DYM: variants seen among roughly 807,000 people sequenced by gnomAD.
DYM encodes dymeclin.
DYM carries 78 observed loss-of-function variants against 93.1 expected under a neutral mutation model. That is an observed-to-expected ratio of 0.84 (90% CI 0.70 to 1.01). The LOEUF is 1.01. DYM is among the 50% of genes least tolerant of loss of function. DYM has a pLI of 0.00. For missense variants in DYM, 789 were observed against 845.0 expected, an observed-to-expected ratio of 0.93 and a Z score of 0.82; for synonymous variants, 321 against 319.7, an observed-to-expected ratio of 1.00 and a Z score of -0.04.
At chr18:49,045,860 G>A (rs566540434) in intron 17 of DYM, among the ~76,000 whole-genome samples, 1 of 152,190 alleles carries the variant, frequency 6.6e-6, no homozygotes, top group South Asian at 2.1e-4. Context: ...TGCACATAAG[G>A]TCCCGGAAGC....
At chr18:49,403,301 T>C (rs1038913319) in intron 2 of DYM, among the ~76,000 whole-genome samples, 1 of 152,232 alleles carries the variant, frequency 6.6e-6, no homozygotes, top group Non-Finnish European at 1.5e-5. Context: ...TTTGATTTTA[T>C]TTACATTAAT....
chr18:49,150,799 TAGAAG>T (rs1319132079), intron 15 of DYM, among the ~76,000 whole-genome samples: 2 of 152,124 alleles, frequency 1.3e-5, no homozygotes, highest in Admixed American at 6.5e-5. Flanking sequence ...TTTAAGATCA[TAGAAG>T]AGATTAGGGG....
At chr18:49,201,620 G>A (rs936989232) in intron 14 of DYM, among the ~76,000 whole-genome samples, 18 of 152,164 alleles carry the variant, frequency 1.2e-4, no homozygotes, top group African/African-American at 2.9e-4. Context: ...AATGTAACTC[G>A]TTGCAATACT....
chr18:49,304,471 T>A (rs2146241587), intron 8 of DYM, among the ~76,000 whole-genome samples: 1 of 152,298 alleles, frequency 6.6e-6, no homozygotes, highest in East Asian at 1.9e-4. Flanking sequence ...CACATTTTCA[T>A]TAGGAAAAAA....
At chr18:49,374,957 C>CAAA (rs11445191) in intron 5 of DYM, among the ~76,000 whole-genome samples, 2 of 146,120 alleles carry the variant, frequency 1.4e-5, no homozygotes, top group Non-Finnish European at 3.0e-5. Flanking sequence ...GAAACTGTCT[C>CAAA]AAAAAAAAAA....
At position 49,352,724 on chromosome 18, in the gene DYM, C is replaced by T. The variant is rs75687533; in HGVS notation, c.494+10437G>A. 3.6e-3 allele frequency among the ~76,000 whole-genome samples: 555 copies of T among 152,148 alleles called. 4 individuals carry two copies. Among genetic ancestry groups the T allele is most frequent in the African/African-American group, 0.012 (490 of 41,518 alleles). ...ACTTTTAAAATAAAATAAAACCTCCCGTGATACTGGAGTGGATTTTTGTAG... is the reference window on the plus strand; with the variant it reads ...ACTTTTAAAATAAAATAAAACCTCCTGTGATACTGGAGTGGATTTTTGTAG... On this transcript the variant is annotated intron_variant, in intron 6 of 17. Coordinates refer to ENST00000675505, the MANE Select transcript of DYM (RefSeq NM_001353214.3).
At chr18:49,392,688 A>T (rs1420008448) in intron 2 of DYM, among the ~76,000 whole-genome samples, 44 of 118,258 alleles carry the variant, frequency 3.7e-4, no homozygotes, top group Admixed American at 6.9e-4. Flanking sequence ...ATTTAAAAAA[A>T]AAAAAAAAAA....
intron 8 of DYM, among the ~76,000 whole-genome samples, chr18:49,309,993 G>A (rs1014126289): frequency 2.0e-5 from 3 of 152,116 alleles, no homozygotes; most frequent in Non-Finnish European, 4.4e-5. Context: ...CTGTGTTAAG[G>A]TAAAACAGCA....
chr18:49,233,051 T>C (rs1458980490), intron 13 of DYM, among the ~76,000 whole-genome samples: 4 of 151,996 alleles, frequency 2.6e-5, no homozygotes, highest in Admixed American at 1.3e-4. Context: ...CTAGCAGAGA[T>C]TTAATACAAT....
intron 17 of DYM, among the ~76,000 whole-genome samples, chr18:49,087,014 TAAA>T (rs767523268): frequency 6.0e-5 from 9 of 150,916 alleles, no homozygotes; most frequent in Non-Finnish European, 4.4e-5. Context: ...AAAAAATACA[TAAA>T]AATAAAAGAG....
At chr18:49,363,820 C>T (rs79381177) in intron 5 of DYM, among the ~76,000 whole-genome samples, 14,433 of 152,072 alleles carry the variant, frequency 0.095, 891 homozygotes, top group East Asian at 0.31. Flanking sequence ...TAAGTGGCAA[C>T]GGCAGGATGC....
chr18:49,237,796 A>G lies in DYM; in HGVS notation c.1460+19214T>C, dbSNP rs569729345. Among the ~76,000 whole-genome samples, 80 of 152,320 alleles carry G rather than the reference A, an allele frequency of 5.3e-4. 2 individuals carry two copies. The South Asian group carries it at 0.015, about 29-fold the overall frequency. On this transcript the variant is annotated intron_variant, in intron 13 of 17. Transcript: ENST00000675505. ...TCTGCATGTAAACAAAGATAAATGC[A>G]AACAAATATTATTTTCCCCTGCACT...
At chr18:49,347,159 C>A (rs562973662) in intron 6 of DYM, among the ~76,000 whole-genome samples, 16 of 152,162 alleles carry the variant, frequency 1.1e-4, no homozygotes, top group African/African-American at 3.9e-4. Context: ...AATCATAAGT[C>A]AAATTATCAT....
At chr18:49,375,228 A>C (rs1226798890) in intron 5 of DYM, among the ~76,000 whole-genome samples, 2 of 149,466 alleles carry the variant, frequency 1.3e-5, no homozygotes, top group Non-Finnish European at 3.0e-5. Context: ...ACACACACAC[A>C]CATCTATACC....
chr18:49,333,148 T>A (rs2063428804), intron 7 of DYM, among the ~76,000 whole-genome samples: 1 of 152,242 alleles, frequency 6.6e-6, no homozygotes, highest in Non-Finnish European at 1.5e-5. Context: ...GAAGATTATG[T>A]TAATAAAAGG....
At chr18:49,244,253 TTCTCATGA>T (rs1451145974) in intron 13 of DYM, among the ~76,000 whole-genome samples, 2 of 152,226 alleles carry the variant, frequency 1.3e-5, no homozygotes, top group African/African-American at 4.8e-5. Context: ...GGACTTGATT[TTCTCATGA>T]ACTCCGATTG....
intron 17 of DYM, among the ~76,000 whole-genome samples, chr18:49,060,000 G>A (rs181454745): frequency 1.3e-5 from 2 of 152,154 alleles, no homozygotes; most frequent in African/African-American, 2.4e-5. Context: ...GTGACGTTTT[G>A]TACCATAAAA....
At chr18:49,058,527 C>T (rs357898) in intron 17 of DYM, among the ~76,000 whole-genome samples, 8 of 152,162 alleles carry the variant, frequency 5.3e-5, no homozygotes, top group African/African-American at 1.9e-4. Flanking sequence ...ACTATGTTGC[C>T]CAGGCTGGTT....
intron 10 of DYM, among the ~76,000 whole-genome samples, chr18:49,274,477 A>T (rs1256875387): frequency 6.6e-6 from 1 of 152,172 alleles, no homozygotes; most frequent in African/African-American, 2.4e-5. Context: ...TTTCCTGCAG[A>T]CATATACTCA....
Sources: allele counts gnomAD v4.1 joint callset (sites outside exome capture counted in the v4.1 genomes callset), GRCh38; gene constraint gnomAD v4.1.1; transcripts MANE v1.5; gene names NCBI Gene and HGNC (gene_info 2026-07-23, HGNC 2026-07-21).